STK33: variants seen among roughly 807,000 people sequenced by gnomAD.
STK33 encodes serine/threonine-protein kinase 33.
STK33 carries 52 observed loss-of-function variants against 58.0 expected under a neutral mutation model. The observed-to-expected ratio is 0.90, with a 90% CI of 0.72 to 1.13. The LOEUF (loss-of-function observed/expected upper bound fraction) is 1.13. Among genes scored for constraint, STK33 ranks in the 50% most tolerant of loss-of-function variants. STK33 has a pLI of 0.00. For missense variants in STK33, 630 were observed against 604.2 expected, an observed-to-expected ratio of 1.04 and a Z score of -0.45; for synonymous variants, 215 against 200.1, an observed-to-expected ratio of 1.07 and a Z score of -0.63.
At chr11:8,355,149 G>T in the STK33 span, among the ~76,000 whole-genome samples, 37 of 152,218 alleles carry the variant, frequency 2.4e-4, no homozygotes, top group Non-Finnish European at 4.9e-4. Context: ...TTCCCACAGA[G>T]ACCCTTCCCA....
intron 14 of STK33, among the ~76,000 whole-genome samples, chr11:8,428,146 C>T (rs549852789): frequency 1.8e-4 from 28 of 152,170 alleles, no homozygotes; most frequent in Non-Finnish European, 3.1e-4. Flanking sequence ...TAAAGTACAC[C>T]AAAAGTATCA....
the STK33 span, among the ~76,000 whole-genome samples, chr11:8,355,670 T>C: frequency 7.9e-5 from 12 of 152,228 alleles, no homozygotes; most frequent in African/African-American, 2.9e-4. Flanking sequence ...TTTCACATCT[T>C]GCTCTGCCAC....
chr11:8,417,360 A>T (rs1415626936), intron 14 of STK33, among the ~76,000 whole-genome samples: 1 of 152,178 alleles, frequency 6.6e-6, no homozygotes, highest in Non-Finnish European at 1.5e-5. Context: ...AGAACTGCTT[A>T]AATACTAAGA....
intron 1 of STK33, among the ~76,000 whole-genome samples, chr11:8,565,483 G>A (rs189378382): frequency 1.1e-3 from 162 of 151,598 alleles, no homozygotes; most frequent in African/African-American, 3.2e-3. Context: ...CATAAGCCCC[G>A]AGTTCAAATA....
At chr11:8,561,330 C>A (rs915105040) in intron 1 of STK33, among the ~76,000 whole-genome samples, 2 of 152,178 alleles carry the variant, frequency 1.3e-5, no homozygotes, top group African/African-American at 2.4e-5. Flanking sequence ...TCCCTGCCTA[C>A]ACACATTCCA....
chr11:8,412,992 C>T (rs150257043), intron 15 of STK33, among the ~76,000 whole-genome samples: 1 of 152,240 alleles, frequency 6.6e-6, no homozygotes, highest in East Asian at 1.9e-4. Flanking sequence ...AATTCAGACA[C>T]AAATAACTGA....
chr11:8,482,824 G>A (rs184278538), intron 1 of STK33, among the ~76,000 whole-genome samples: 10 of 152,000 alleles, frequency 6.6e-5, no homozygotes, highest in African/African-American at 2.4e-4. Context: ...CCACCTCCCG[G>A]GTTCACGCCA....
At chr11:8,352,530 C>T in the STK33 span, among the ~76,000 whole-genome samples, 9 of 151,986 alleles carry the variant, frequency 5.9e-5, no homozygotes, top group Admixed American at 1.3e-4. Context: ...GCAGGGGTGT[C>T]GATCAGAATA....
At chr11:8,477,792 T>C (rs1949423390) in intron 2 of STK33, among the ~76,000 whole-genome samples, 1 of 152,190 alleles carries the variant, frequency 6.6e-6, no homozygotes, top group Admixed American at 6.5e-5. Flanking sequence ...TTCTGAGTAC[T>C]TTCTCGCTCC....
At chr11:8,581,127 T>G (rs2030131060) in intron 1 of STK33, among the ~76,000 whole-genome samples, 1 of 152,044 alleles carries the variant, frequency 6.6e-6, no homozygotes, top group Admixed American at 6.6e-5. Flanking sequence ...TGCCTTTTCC[T>G]TCCTTCCCAT....
chr11:8,433,515 A>T (rs1367941660), intron 14 of STK33, among the ~76,000 whole-genome samples: 1 of 152,102 alleles, frequency 6.6e-6, no homozygotes, highest in African/African-American at 2.4e-5. Context: ...AAATCTTTCC[A>T]GTTTCAAACT....
the STK33 span, among the ~76,000 whole-genome samples, chr11:8,365,038 A>T: frequency 7.1e-6 from 1 of 141,466 alleles, no homozygotes; most frequent in Non-Finnish European, 1.5e-5. Context: ...CTGAGATGGG[A>T]GGAAGGGCCA....
chr11:8,523,576 A>AAGCGAAGAGGG (rs1953725592), intron 1 of STK33, among the ~76,000 whole-genome samples: 1 of 151,650 alleles, frequency 6.6e-6, no homozygotes, highest in South Asian at 2.1e-4. Context: ...CCCATCTGGG[A>AAGCGAAGAGGG]AGCGAAGAGC....
At chr11:8,371,518 G>GT in the STK33 span, among the ~76,000 whole-genome samples, 1 of 152,224 alleles carries the variant, frequency 6.6e-6, no homozygotes, top group Non-Finnish European at 1.5e-5. Context: ...AGAATTTGTG[G>GT]TAATTTGTTA....
chr11:8,494,711 T>C (rs1175387844), intron 1 of STK33, among the ~76,000 whole-genome samples: 2 of 152,094 alleles, frequency 1.3e-5, no homozygotes, highest in Non-Finnish European at 2.9e-5. Flanking sequence ...AAGGCTACAG[T>C]AACCAAAACA....
chr11:8,344,198 AACAC>A, the STK33 span, among the ~76,000 whole-genome samples: 98 of 137,224 alleles, frequency 7.1e-4, no homozygotes, highest in East Asian at 8.9e-3. Context: ...AAACAAACAA[AACAC>A]ACACACACAC....
chr11:8,396,136 T>C (rs1407915313), intron 15 of STK33, among the ~76,000 whole-genome samples: 1 of 152,138 alleles, frequency 6.6e-6, no homozygotes, highest in Non-Finnish European at 1.5e-5. Context: ...GGAGTTTTGC[T>C]CTTATCGCCC....
At chr11:8,340,973 C>T in the STK33 span, among the ~76,000 whole-genome samples, 1 of 152,228 alleles carries the variant, frequency 6.6e-6, no homozygotes, top group Non-Finnish European at 1.5e-5. Flanking sequence ...ATTCTCCTGC[C>T]TCAGTCTCCC....
intron 15 of STK33, among the ~76,000 whole-genome samples, chr11:8,394,184 T>C (rs1848963870): frequency 6.6e-6 from 1 of 152,236 alleles, no homozygotes; most frequent in Non-Finnish European, 1.5e-5. Context: ...ACATAGGTTG[T>C]ATTTTTATCG....
Sources: gnomAD v4.1 joint callset for allele counts (sites outside exome capture counted in the v4.1 genomes callset) on GRCh38, gnomAD v4.1.1 for gene constraint, MANE v1.5 for transcripts, NCBI Gene and HGNC (gene_info 2026-07-23, HGNC 2026-07-21) for gene names.